The following PPARG variants were observed in gnomAD, a reference collection of about 807,000 sequenced individuals.
The protein encoded by PPARG is peroxisome proliferator-activated receptor gamma.
Under a neutral mutation model 39.2 loss-of-function variants are expected in PPARG, and 17 were observed. The ratio of observed to expected loss-of-function variants is 0.43; its 90% CI spans 0.30 to 0.65. PPARG has a LOEUF of 0.65. Among genes scored for constraint, PPARG ranks in the 30% least tolerant of loss-of-function variants. The pLI, the probability that PPARG is intolerant of heterozygous loss-of-function variation, is 0.13. For missense variants in PPARG, 406 were observed against 585.9 expected, an observed-to-expected ratio of 0.69 and a Z score of 3.17; for synonymous variants, 223 against 215.7, an observed-to-expected ratio of 1.03 and a Z score of -0.30.
At chr3:12,420,294 C>T (rs2051217630) in intron 7 of PPARG, among the ~76,000 whole-genome samples, 1 of 152,196 alleles carries the variant, frequency 6.6e-6, no homozygotes. Flanking sequence ...TCCACCTCCC[C>T]GATTGTGCTT....
At chr3:12,367,743 G>A (rs753342504) in intron 2 of PPARG, among the ~76,000 whole-genome samples, 1 of 151,552 alleles carries the variant, frequency 6.6e-6, no homozygotes, top group Non-Finnish European at 1.5e-5. Context: ...ATGTGGTGGT[G>A]AATGCCTGTG....
chr3:12,428,740 A>C (rs1797912), intron 7 of PPARG, among the ~76,000 whole-genome samples: 49,789 of 152,072 alleles, frequency 0.33, 8,440 homozygotes, highest in East Asian at 0.43. Context: ...TGGCAGATCC[A>C]TTTTGCCCTT....
chr3:12,408,567 CTTTTTTTTTT>C lies in PPARG; in HGVS notation c.729+2496_729+2505del, dbSNP rs397945616. Among the ~76,000 whole-genome samples the C allele has an allele frequency of 6.2e-4, 70 of 113,264 alleles. 1 individual carries two copies. Among genetic ancestry groups the C allele is most frequent in the African/African-American group, 2.4e-3 (66 of 27,358 alleles). The allele number at this position is 113,264 out of a possible 152,430, so 74.3% of individuals were successfully genotyped here. The stretch of plus-strand genomic sequence containing the variant: ...GGTTAGTTTTCTTTTCTTTTCTTTT[CTTTTTTTTTT>C]TTTTTTTTTGAGGTGGGGTCTTGCT... On this transcript the variant is annotated intron_variant, in intron 6 of 7. Transcript: ENST00000651735.
chr3:12,303,282 C>T (rs1277553058), intron 1 of PPARG, among the ~76,000 whole-genome samples: 4 of 151,998 alleles, frequency 2.6e-5, no homozygotes, highest in Admixed American at 1.3e-4. Flanking sequence ...CTGAAACCTC[C>T]GCTTCCTGGG....
chr3:12,303,263 C>T (rs1214812902), intron 1 of PPARG, among the ~76,000 whole-genome samples: 7 of 151,904 alleles, frequency 4.6e-5, no homozygotes. Context: ...GTGGCACGAT[C>T]TTGACTCACT....
chr3:12,433,845 A>C, intron 7 of PPARG, 53 bp from the exon 8 acceptor site: 1 of 1,612,476 alleles, frequency 6.2e-7, no homozygotes, highest in South Asian at 1.1e-5. Flanking sequence ...GGCGGGGCCC[A>C]GAGGATTTTT....
intron 2 of PPARG, among the ~76,000 whole-genome samples, chr3:12,362,520 AAAATAAAT>A (rs144523043): frequency 0.046 from 6,743 of 147,902 alleles, 350 homozygotes; most frequent in East Asian, 0.29. Flanking sequence ...CTTCGTCTCA[AAAATAAAT>A]AAATAAATAA....
chr3:12,393,109 G>A (rs2938392), intron 5 of PPARG, among the ~76,000 whole-genome samples: 60,936 of 150,694 alleles, frequency 0.4, 13,630 homozygotes, highest in South Asian at 0.66. Flanking sequence ...CAGTAGTGTC[G>A]TTCTGCTTTA....
intron 1 of PPARG, among the ~76,000 whole-genome samples, chr3:12,309,154 T>C (rs1388186359): frequency 1.3e-5 from 2 of 152,200 alleles, no homozygotes; most frequent in African/African-American, 4.8e-5. Context: ...AGAATACATT[T>C]TGGGAAATGC....
intron 7 of PPARG, among the ~76,000 whole-genome samples, chr3:12,432,282 C>A (rs2051686862): frequency 6.6e-6 from 1 of 152,124 alleles, no homozygotes; most frequent in African/African-American, 2.4e-5. Context: ...GTATCACCTA[C>A]AAATACAAAA....
chr3:12,307,391 C>T (rs1272305336), intron 1 of PPARG, among the ~76,000 whole-genome samples: 2 of 152,138 alleles, frequency 1.3e-5, no homozygotes, highest in Non-Finnish European at 2.9e-5. Context: ...CACATACTTC[C>T]ACCTCTCCCA....
At chr3:12,359,121 T>C (rs1341694095) in intron 2 of PPARG, among the ~76,000 whole-genome samples, 2 of 152,182 alleles carry the variant, frequency 1.3e-5, no homozygotes, top group Non-Finnish European at 2.9e-5. Context: ...TGTACTTCCT[T>C]CTGCTACTAA....
intron 2 of PPARG, among the ~76,000 whole-genome samples, chr3:12,375,048 C>T (rs1259957244): frequency 2.0e-5 from 3 of 152,028 alleles, no homozygotes. Context: ...CCAAAATTTC[C>T]ACAATGTAAT....
chr3:12,331,771 A>G (rs1288030968), intron 2 of PPARG, among the ~76,000 whole-genome samples: 1 of 152,204 alleles, frequency 6.6e-6, no homozygotes, highest in East Asian at 1.9e-4. Flanking sequence ...CTGGGCCTTC[A>G]ATTATGACTC....
chr3:12,410,889 T>A (rs9871668), intron 6 of PPARG, among the ~76,000 whole-genome samples: 2,709 of 152,242 alleles, frequency 0.018, 88 homozygotes, highest in African/African-American at 0.061. Flanking sequence ...TTTCCCTTTA[T>A]CTCTGGAAAA....
In PPARG at chr3:12,417,037, C is replaced by T. The variant is rs780238349; in HGVS notation, c.1063C>T (p.Arg355Ter). Residue 355 changes from arginine (R) to a stop codon, truncating the protein, a stop_gained, in exon 7 of 8, where the codon CGA becomes TGA. Transcript: ENST00000651735. LOFTEE classifies it high-confidence loss of function. The part of the protein sequence containing the change: ...FMTREFLKSL[R>*]KPFGDFMEPK... ...GACAAGGGAGTTTCTAAAGAGCCTGCGAAAGCCTTTTGGTGACTTTATGGA... is the reference window on the plus strand; with the variant it reads ...GACAAGGGAGTTTCTAAAGAGCCTGTGAAAGCCTTTTGGTGACTTTATGGA... 3.7e-6 allele frequency: 6 copies of T among 1,612,890 alleles called. No individual in the cohort carries two copies. Among genetic ancestry groups the T allele is most frequent in the Non-Finnish European group, 4.2e-6 (5 of 1,179,260 alleles).
intron 2 of PPARG, among the ~76,000 whole-genome samples, chr3:12,344,288 A>G (rs1293216211): frequency 1.3e-5 from 2 of 152,156 alleles, no homozygotes; most frequent in East Asian, 1.9e-4. Flanking sequence ...TATATTTTCA[A>G]GTCTTCTTAC....
In PPARG at chr3:12,396,460, G is replaced by C. The variant is rs1374854478; in HGVS notation, c.529+3708G>C. On this transcript the variant is annotated intron_variant, in intron 5 of 7. Transcript: ENST00000651735. Reference sequence around the variant, plus strand: ...TTTAATAAAATTATTTAGTCATTAAGAATTTTGGCTTGTGGGCCAGGCATG... The same window carrying C: ...TTTAATAAAATTATTTAGTCATTAACAATTTTGGCTTGTGGGCCAGGCATG... Among the ~76,000 whole-genome samples the C allele has an allele frequency of 2.6e-5, 4 of 151,992 alleles. No homozygotes were observed. The East Asian group carries it at 7.8e-4, about 29-fold the overall frequency.
At position 12,381,353 on chromosome 3, in the gene PPARG, T is replaced by A. The variant is rs766703072; in HGVS notation, c.252T>A (p.Pro84=). The A allele has an allele frequency of 1.2e-6, 2 of 1,613,364 alleles. No individual in the cohort carries two copies. Among genetic ancestry groups the A allele is most frequent in the East Asian group, 4.5e-5 (2 of 44,784 alleles). The change falls in exon 4 of 8, where the codon CCT becomes CCA. Residue 84 remains proline, a synonymous_variant. Coordinates refer to ENST00000651735, the MANE Select transcript of PPARG (RefSeq NM_138711.6). ...TCAAAGTGGAGCCTGCATCTCCACC[T>A]TATTATTCTGAGAAGACTCAGCTCT... ...SAIKVEPASP[P]YYSEKTQLYN...
Sources: allele counts gnomAD v4.1 joint callset (sites outside exome capture counted in the v4.1 genomes callset), GRCh38; gene constraint gnomAD v4.1.1; transcripts MANE v1.5; gene names NCBI Gene and HGNC (gene_info 2026-07-23, HGNC 2026-07-21).